GAL3ST2: variants seen among roughly 807,000 people sequenced by gnomAD.
The protein encoded by GAL3ST2 is galactose-3-O-sulfotransferase 2, also known as beta-galactose-3-O-sulfotransferase 2.
In GAL3ST2, 16 loss-of-function variants were observed where a neutral mutation model predicts 12.9. The ratio of observed to expected loss-of-function variants is 1.24; its 90% CI spans 0.84 to 1.88. The LOEUF (loss-of-function observed/expected upper bound fraction) is 1.88. GAL3ST2 is among the 40% of genes most tolerant of loss of function. The pLI, the probability that GAL3ST2 is intolerant of heterozygous loss-of-function variation, is 0.00. For missense variants in GAL3ST2, 639 were observed against 571.8 expected (o/e 1.12, Z -1.20); for synonymous variants, 302 against 273.9 (o/e 1.10, Z -1.01).
At position 241,798,151 on chromosome 2, in the gene GAL3ST2, A is replaced by G. The variant is rs568108685; in HGVS notation, c.30-914A>G. 3.4e-3 allele frequency among the ~76,000 whole-genome samples: 511 copies of G among 152,258 alleles called. 4 individuals carry two copies. The highest frequency in any genetic ancestry group is 0.017 in the Middle Eastern group (5 of 294). ...CCGACTCCACGGTCAGGCCTTACCCAGATCTGCTCTTCCCTGATCTGGCTG... is the reference window on the plus strand; with the variant it reads ...CCGACTCCACGGTCAGGCCTTACCCGGATCTGCTCTTCCCTGATCTGGCTG... On this transcript the variant is annotated intron_variant, in intron 1 of 3. Transcript: ENST00000192314.
chr2:241,801,736 G>A lies in GAL3ST2; in HGVS notation c.120-45G>A, dbSNP rs1699850015. 1 of 1,587,368 alleles carries A rather than the reference G, an allele frequency of 6.3e-7. No individual in the cohort carries two copies. The highest frequency in any genetic ancestry group is 8.6e-7 in the Non-Finnish European group (1 of 1,166,978). On this transcript the variant is annotated intron_variant, in intron 2 of 3. Coordinates refer to ENST00000192314, the MANE Select transcript of GAL3ST2 (RefSeq NM_022134.3). The surrounding 1 kb of genome is among the most constrained non-coding windows in gnomAD (Gnocchi z 4.4). ...GGGGTCGCTGTTGGGCGGGGGTTGG[G>A]GCATCTGCACCCTTGCTGAAGGCTG...
chr2:241,802,184 C>G lies in GAL3ST2; in HGVS notation c.375+148C>G, dbSNP rs940619372. The G allele has an allele frequency of 7.4e-6, 8 of 1,074,034 alleles. No individual in the cohort carries two copies. In the Admixed American group the frequency reaches 1.7e-4, roughly 22 times the overall value. 66.5% of individuals were successfully genotyped at this position (1,074,034 alleles called of 1,614,324 possible). ...GCGGGTTGGGAGGGCCTGGGCCGCA[C>G]GCCCTGCTGAGCCAACCCCTGCCCC... On this transcript the variant is annotated intron_variant, in intron 3 of 3. Transcript: ENST00000192314. The surrounding 1 kb of genome is among the most constrained non-coding windows in gnomAD (Gnocchi z 4.8).
intron 1 of GAL3ST2, among the ~76,000 whole-genome samples, chr2:241,794,661 T>A (rs1016315528): frequency 6.6e-6 from 1 of 152,144 alleles, no homozygotes; most frequent in Non-Finnish European, 1.5e-5. Context: ...TGAGGCTCTT[T>A]GGGAACGACT....
In GAL3ST2 at chr2:241,802,848, T is replaced by G. The variant is rs959946602; in HGVS notation, c.376-497T>G. On this transcript the variant is annotated intron_variant, in intron 3 of 3. Coordinates refer to ENST00000192314, the MANE Select transcript of GAL3ST2 (RefSeq NM_022134.3). The surrounding 1 kb of genome is among the most constrained non-coding windows in gnomAD (Gnocchi z 4.8). ...AGCGAGGGTGAGTCCAGACCCACCC[T>G]GTGGGGAACCTGGGTCACGGACCTT... Among the ~76,000 whole-genome samples, 3 of 152,188 alleles carry G rather than the reference T, an allele frequency of 2.0e-5. No homozygotes were observed. Among genetic ancestry groups the G allele is most frequent in the Admixed American group, 6.5e-5 (1 of 15,288 alleles).
intron 1 of GAL3ST2, 57 bp downstream of exon 1, chr2:241,777,041 T>A: frequency 2.2e-6 from 3 of 1,389,590 alleles, no homozygotes; most frequent in Non-Finnish European, 2.9e-6. Context: ...GTGGCTATTC[T>A]GAGAGACGGA....
Position 241,803,624 on chromosome 2 carries a change from C to A in GAL3ST2, c.655C>A (p.Arg219=), listed in dbSNP as rs374256812. 1 of 1,555,224 alleles carries A rather than the reference C, an allele frequency of 6.4e-7. No homozygotes were observed. The highest frequency in any genetic ancestry group is 1.4e-5 in the African/African-American group (1 of 73,368). ...YVRARIAEVE[R]RFRLVLIAEH... ...GCGCGCGCGCATCGCCGAGGTGGAG[C>A]GGCGCTTCCGGCTGGTGCTCATCGC... is the stretch of plus-strand genomic sequence containing the variant. Residue 219 remains arginine, a synonymous_variant, in exon 4 of 4, where the codon CGG becomes AGG. Coordinates refer to ENST00000192314, the MANE Select transcript of GAL3ST2 (RefSeq NM_022134.3).
At chr2:241,787,802 G>C (rs1699646224) in intron 1 of GAL3ST2, among the ~76,000 whole-genome samples, 1 of 152,030 alleles carries the variant, frequency 6.6e-6, no homozygotes, top group Non-Finnish European at 1.5e-5. Flanking sequence ...CCGTCAGAGT[G>C]CTCAGTGATA....
At chr2:241,780,582 AAAGAC>A (rs1394952145) in intron 1 of GAL3ST2, among the ~76,000 whole-genome samples, 2 of 152,236 alleles carry the variant, frequency 1.3e-5, no homozygotes, top group African/African-American at 4.8e-5. Flanking sequence ...CATTTTTACT[AAAGAC>A]AAGTCATGGT....
intron 1 of GAL3ST2, among the ~76,000 whole-genome samples, chr2:241,782,212 C>A (rs1366264743): frequency 6.6e-6 from 1 of 152,160 alleles, no homozygotes. Flanking sequence ...TATAGAGAAA[C>A]AACTTATTTT....
At chr2:241,798,361 G>A (rs760317530) in intron 1 of GAL3ST2, among the ~76,000 whole-genome samples, 2 of 152,230 alleles carry the variant, frequency 1.3e-5, no homozygotes, top group African/African-American at 2.4e-5. Flanking sequence ...TCTGGAGGCC[G>A]GAAGGCATGC....
At position 241,781,395 on chromosome 2, in the gene GAL3ST2, G is replaced by A. The variant is rs561161817; in HGVS notation, c.29+4411G>A. On this transcript the variant is annotated intron_variant, in intron 1 of 3. Coordinates refer to ENST00000192314, the MANE Select transcript of GAL3ST2 (RefSeq NM_022134.3). Reference sequence around the variant, plus strand: ...CTATTCTGATGACACAGTCTCCAACGTTATCAGAACCCTGTATTTAAGAAC... The same window carrying A: ...CTATTCTGATGACACAGTCTCCAACATTATCAGAACCCTGTATTTAAGAAC... Among the ~76,000 whole-genome samples the A allele has an allele frequency of 2.0e-5, 3 of 152,082 alleles. No homozygotes were observed. The East Asian group carries it at 5.8e-4, about 29-fold the overall frequency.
chr2:241,785,381 G>C (rs961526881), intron 1 of GAL3ST2, among the ~76,000 whole-genome samples: 1 of 151,900 alleles, frequency 6.6e-6, no homozygotes, highest in Non-Finnish European at 1.5e-5. Context: ...ATGAAACCTT[G>C]TCTCTACTAA....
intron 1 of GAL3ST2, among the ~76,000 whole-genome samples, chr2:241,791,441 A>C (rs1183080000): frequency 6.6e-6 from 1 of 152,186 alleles, no homozygotes; most frequent in Non-Finnish European, 1.5e-5. Flanking sequence ...TATGGAGCCA[A>C]TGAAAGCCCC....
In GAL3ST2 at chr2:241,803,864, G is replaced by A. The variant is rs968075892; in HGVS notation, c.895G>A (p.Gly299Arg). ...CTGGGCGCAGCTGCGCGCCGAGCTG[G>A]GGCCGCGGCGGCTGCGCGGGGAGGT... is the stretch of plus-strand genomic sequence containing the variant. ...TLWAQLRAEL[G>R]PRRLRGEVER... is the part of the protein sequence containing the mutation. The change falls in exon 4 of 4, where the codon GGG becomes AGG. Residue 299 changes from glycine to arginine, a missense_variant. Transcript: ENST00000192314. The A allele has an allele frequency of 1.4e-6, 2 of 1,429,656 alleles. No individual in the cohort carries two copies. The highest frequency in any genetic ancestry group is 5.9e-5 in the East Asian group (2 of 33,776). The allele number at this position is 1,429,656 out of a possible 1,614,324, so 88.6% of individuals were successfully genotyped here. A position where few individuals can be genotyped will look rare whatever the true frequency, so the allele number is the denominator to read the frequency against.
chr2:241,780,881 G>A lies in GAL3ST2; in HGVS notation c.29+3897G>A, dbSNP rs147463218. Among the ~76,000 whole-genome samples, 209 of 152,278 alleles carry A rather than the reference G, an allele frequency of 1.4e-3. 1 individual carries two copies. Among genetic ancestry groups the A allele is most frequent in the African/African-American group, 4.7e-3 (197 of 41,536 alleles). The stretch of plus-strand genomic sequence containing the variant: ...TTGCCACAGGTCAGGAACCCTGTTC[G>A]GGGACTCTGTAGACAAAAGTATGAG... On this transcript the variant is annotated intron_variant, in intron 1 of 3. Transcript: ENST00000192314.
At chr2:241,803,315 TCCGCAGC>T (rs964613233) in intron 3 of GAL3ST2, 23 bp from the exon 4 acceptor site, 5 of 1,539,930 alleles carry the variant, frequency 3.2e-6, no homozygotes, top group Non-Finnish European at 4.4e-6. Context: ...GGGCCCGCGG[TCCGCAGC>T]CCGCCTCTCT....
rs1441011973 is a variant in GAL3ST2, at chr2:241,793,565, ATG to A, written c.30-5495_30-5494del. 1.3e-4 allele frequency among the ~76,000 whole-genome samples: 20 copies of A among 149,686 alleles called. No homozygotes were observed. Among genetic ancestry groups the A allele is most frequent in the African/African-American group, 5.0e-4 (20 of 40,218 alleles). The stretch of plus-strand genomic sequence containing the variant: ...TGTGTGTATATGTATGTATGTGTAT[ATG>A]TGTGCGTATATGTGTATGTATGTAT... On this transcript the variant is annotated intron_variant, in intron 1 of 3. Transcript: ENST00000192314. This position sits in a 1 kb window ranked among gnomAD's most constrained non-coding sequence, Gnocchi z 4.7.
rs1319735091 is a variant in GAL3ST2 at position 241,804,155 on chromosome 2, C to T, written c.1186C>T (p.Leu396=). ...GAAGCCCCTCAAGAACATCCCGTTC[C>T]TGGGGGCGTAGAGGGGCCGGGCCGG... ...PEKPLKNIPF[L]GA is the part of the protein sequence containing the mutation. The change falls in exon 4 of 4, where the codon CTG becomes TTG. Residue 396 remains leucine, a synonymous_variant. Transcript: ENST00000192314. The T allele has an allele frequency of 6.9e-7, 1 of 1,447,176 alleles. No individual in the cohort carries two copies. The highest frequency in any genetic ancestry group is 9.1e-7 in the Non-Finnish European group (1 of 1,093,658). The allele number at this position is 1,447,176 out of a possible 1,614,324, so 89.6% of individuals were successfully genotyped here.
chr2:241,800,486 G>A lies in GAL3ST2; in HGVS notation c.120-1295G>A, dbSNP rs1217557583. Among the ~76,000 whole-genome samples the A allele has an allele frequency of 1.3e-5, 2 of 152,206 alleles. No homozygotes were observed. Among genetic ancestry groups the A allele is most frequent in the African/African-American group, 4.8e-5 (2 of 41,440 alleles). ...ACGCACGTGTCCTGAACAAACAGGT[G>A]TGTTACTTACTTGTGACCCACGTTC... On this transcript the variant is annotated intron_variant, in intron 2 of 3. Coordinates refer to ENST00000192314, the MANE Select transcript of GAL3ST2 (RefSeq NM_022134.3). The surrounding 1 kb of genome is among the most constrained non-coding windows in gnomAD (Gnocchi z 5.2).
Sources: allele counts gnomAD v4.1 joint callset (sites outside exome capture counted in the v4.1 genomes callset), GRCh38; gene constraint gnomAD v4.1.1; non-coding constraint Gnocchi (gnomAD v3.1); transcripts MANE v1.5; gene names NCBI Gene and HGNC (gene_info 2026-07-23, HGNC 2026-07-21).